The following MRPS30 variants were observed in gnomAD, a reference collection of about 807,000 sequenced individuals.
The protein encoded by MRPS30 is large ribosomal subunit protein mL65.
Under a neutral mutation model 43.8 loss-of-function variants are expected in MRPS30, and 42 were observed. That is an observed-to-expected ratio of 0.96 (90% CI 0.75 to 1.24). MRPS30 has a LOEUF of 1.24. MRPS30 is among the 50% of genes most tolerant of loss of function. MRPS30 has a pLI of 0.00. For synonymous variants in MRPS30, 273 were observed against 228.2 expected (o/e 1.20, Z -1.77); for missense variants, 638 against 570.0 (o/e 1.12, Z -1.22).
At chr5:44,814,370 A>G (rs1425103371) in intron 4 of MRPS30, among the ~76,000 whole-genome samples, 2 of 152,226 alleles carry the variant, frequency 1.3e-5, no homozygotes, top group Non-Finnish European at 2.9e-5. Flanking sequence ...ATAGAATTGA[A>G]TAGAGGAAGT....
chr5:44,813,886 G>A (rs2111858665), intron 4 of MRPS30, among the ~76,000 whole-genome samples: 1 of 152,224 alleles, frequency 6.6e-6, no homozygotes, highest in East Asian at 1.9e-4. Flanking sequence ...AGAGTAGAAT[G>A]ATTTATAGGG....
chr5:44,809,693 T>A, intron 1 of MRPS30, 130 bp downstream of exon 1: 1 of 1,073,164 alleles, frequency 9.3e-7, no homozygotes, highest in East Asian at 2.5e-5. Flanking sequence ...CTTTCGTTCC[T>A]ATCTGGGGTG....
chr5:44,809,613 C>T, intron 1 of MRPS30, 50 bp downstream of exon 1: 1 of 1,476,678 alleles, frequency 6.8e-7, no homozygotes, highest in Non-Finnish European at 9.1e-7. Context: ...GGGGATTGTA[C>T]TGGGTTACTC....
Position 44,809,301 on chromosome 5 carries a change from G to T in MRPS30, c.339G>T (p.Val113=), listed in dbSNP as rs1351917015. Residue 113 remains valine (V), a synonymous_variant, in exon 1 of 5, where the codon GTG becomes GTT. Coordinates refer to ENST00000507110, the MANE Select transcript of MRPS30 (RefSeq NM_016640.4). ...DRWYQYFTKT[V]FLSGLPPPPA... ...GGTACCAGTACTTCACCAAGACCGT[G>T]TTCCTGTCGGGTCTGCCGCCGCCCC... 6.2e-7 allele frequency: 1 copy of T among 1,613,030 alleles called. No homozygotes were observed. The highest frequency in any genetic ancestry group is 1.3e-5 in the African/African-American group (1 of 75,030).
chr5:44,812,646 AT>A (rs35118256), intron 3 of MRPS30, among the ~76,000 whole-genome samples: 54,313 of 146,976 alleles, frequency 0.37, 10,111 homozygotes, highest in East Asian at 0.54. Flanking sequence ...GTTGCTACTT[AT>A]TTTTTTTTTT....
intron 1 of MRPS30, 84 bp from the exon 2 acceptor site, chr5:44,810,924 TA>T: frequency 8.4e-7 from 1 of 1,190,536 alleles, no homozygotes; most frequent in Non-Finnish European, 1.2e-6. Context: ...TATCATTTGC[TA>T]AGTTAGTACT....
chr5:44,810,579 T>C (rs1742823330), intron 1 of MRPS30, among the ~76,000 whole-genome samples: 1 of 152,176 alleles, frequency 6.6e-6, no homozygotes, highest in African/African-American at 2.4e-5. Context: ...GTCATGGACT[T>C]AGACTACTCC....
At chr5:44,811,855 G>A in intron 2 of MRPS30, 60 bp from the exon 3 acceptor site, 5 of 975,608 alleles carry the variant, frequency 5.1e-6, no homozygotes, top group Non-Finnish European at 7.3e-6. Context: ...TCTAATGAGT[G>A]TGAGTAAAAT....
chr5:44,809,266 G>T lies in MRPS30; in HGVS notation c.304G>T (p.Ala102Ser). 1 of 1,613,538 alleles carries T rather than the reference G, an allele frequency of 6.2e-7. No individual in the cohort carries two copies. The highest frequency in any genetic ancestry group is 8.5e-7 in the Non-Finnish European group (1 of 1,179,880). Residue 102 changes from alanine (A) to serine (S), a missense_variant, in exon 1 of 5, where the codon GCC becomes TCC. By Grantham distance (99) the Ala-to-Ser change is moderately conservative (BLOSUM62 1). Coordinates refer to ENST00000507110, the MANE Select transcript of MRPS30 (RefSeq NM_016640.4). ...MVYPQTFALN[A>S]DRWYQYFTKT... is the part of the protein sequence containing the mutation. ...TTACCCGCAGACCTTCGCGCTGAAT[G>T]CCGACCGCTGGTACCAGTACTTCAC...
At chr5:44,809,845 C>A in intron 1 of MRPS30, 1 of 410,286 alleles carries the variant, frequency 2.4e-6, no homozygotes, top group Non-Finnish European at 4.3e-6. Flanking sequence ...AGTGTTCAGC[C>A]AAATGGAAGA....
At position 44,814,972 on chromosome 5, in the gene MRPS30, G is replaced by C; in HGVS notation, c.1090G>C (p.Gly364Arg). 1 of 1,613,856 alleles carries C rather than the reference G, an allele frequency of 6.2e-7. No homozygotes were observed. The change falls in exon 5 of 5, where the codon GGA becomes CGA. Residue 364 changes from glycine to arginine, a missense_variant. Physicochemically the swap from Gly to Arg is moderately radical, Grantham distance 125. Transcript: ENST00000507110. ...PFVSQAVITD[G>R]KYFSFFCYQL... Reference sequence around the variant, plus strand: ...TGTCTCCCAGGCTGTGATCACAGATGGAAAATACTTTTCCTTTTTCTGCTA... The same window carrying C: ...TGTCTCCCAGGCTGTGATCACAGATCGAAAATACTTTTCCTTTTTCTGCTA...
intron 4 of MRPS30, among the ~76,000 whole-genome samples, chr5:44,814,656 T>C (rs893811217): frequency 2.6e-4 from 40 of 151,806 alleles, no homozygotes; most frequent in Admixed American, 2.4e-3. Context: ...TTAGATGAAG[T>C]AAATAAGACT....
chr5:44,814,165 C>T (rs2111859067), intron 4 of MRPS30, among the ~76,000 whole-genome samples: 1 of 152,296 alleles, frequency 6.6e-6, no homozygotes, highest in East Asian at 1.9e-4. Context: ...GAGGCTATAT[C>T]TTCCAGGACT....
chr5:44,811,688 G>A (rs1742841354), intron 2 of MRPS30, among the ~76,000 whole-genome samples: 1 of 152,198 alleles, frequency 6.6e-6, no homozygotes, highest in Non-Finnish European at 1.5e-5. Context: ...TCTTAACAGT[G>A]CAAAGCGCCA....
In MRPS30 at chr5:44,811,999, T is replaced by C. The variant is rs1471884166; in HGVS notation, c.832T>C (p.Tyr278His). Residue 278 changes from tyrosine (Y) to histidine (H), a missense_variant, in exon 3 of 5, where the codon TAT (tyrosine) becomes CAT (histidine). Physicochemically the swap from Tyr to His is moderately conservative, Grantham distance 83 (BLOSUM62 2). Coordinates refer to ENST00000507110, the MANE Select transcript of MRPS30 (RefSeq NM_016640.4). The part of the protein sequence containing the change: ...PDKLPLFKRQ[Y>H]ENHIFVGSKT... ...CAAACTTCCATTATTCAAACGGCAG[T>C]ATGAAAACCACATATTTGTTGGTAA... 6.3e-7 allele frequency: 1 copy of C among 1,596,096 alleles called. No homozygotes were observed. Among genetic ancestry groups the C allele is most frequent in the Non-Finnish European group, 8.6e-7 (1 of 1,168,096 alleles).
rs776039954 is a variant in MRPS30, at chr5:44,809,169, G to C, written c.207G>C (p.Thr69=). ...GGCGGATCGAGCGCTGGCAGGCGACGGTGCACGCTGCGGAGTCGGTAGACG... is the reference window on the plus strand; with the variant it reads ...GGCGGATCGAGCGCTGGCAGGCGACCGTGCACGCTGCGGAGTCGGTAGACG... The part of the protein sequence containing the change: ...RLRRIERWQA[T]VHAAESVDEK... The change falls in exon 1 of 5, where the codon ACG becomes ACC. Residue 69 remains threonine (T), a synonymous_variant. Transcript: ENST00000507110. 3.1e-6 allele frequency: 5 copies of C among 1,612,066 alleles called. No individual in the cohort carries two copies. Among genetic ancestry groups the C allele is most frequent in the Non-Finnish European group, 4.2e-6 (5 of 1,179,544 alleles).
At chr5:44,810,968 A>C in intron 1 of MRPS30, 41 bp from the exon 2 acceptor site, 2 of 1,568,058 alleles carry the variant, frequency 1.3e-6, no homozygotes, top group Non-Finnish European at 1.7e-6. Context: ...AAATTTATTT[A>C]GATGATCAGA....
At chr5:44,810,910 A>G (rs958918558) in intron 1 of MRPS30, 99 bp from the exon 2 acceptor site, 2 of 1,039,486 alleles carry the variant, frequency 1.9e-6, no homozygotes, top group Middle Eastern at 2.8e-4. Flanking sequence ...AATCATTCCT[A>G]AGTTATCATT....
intron 2 of MRPS30, among the ~76,000 whole-genome samples, chr5:44,811,521 T>TCA (rs1742839170): frequency 1.3e-5 from 2 of 152,244 alleles, no homozygotes; most frequent in Non-Finnish European, 2.9e-5. Flanking sequence ...TGGGCCATTT[T>TCA]ACATATTTGC....
Sources: gnomAD v4.1 joint callset for allele counts (sites outside exome capture counted in the v4.1 genomes callset) on GRCh38, gnomAD v4.1.1 for gene constraint, MANE v1.5 for transcripts, NCBI Gene and HGNC (gene_info 2026-07-23, HGNC 2026-07-21) for gene names.